Variants in KLF7 observed in about 807,000 individuals in gnomAD.
The protein encoded by KLF7 is KLF transcription factor 7, also known as Krueppel-like factor 7.
KLF7 carries 2 observed loss-of-function variants against 27.3 expected under a neutral mutation model. The observed-to-expected ratio is 0.07, with a 90% CI of 0.03 to 0.23. The LOEUF is 0.23. Ranked by LOEUF, KLF7 falls within the 10% of genes least tolerant of loss-of-function variation. KLF7 has a pLI of 1.00. For synonymous variants in KLF7, 165 were observed against 162.4 expected, an observed-to-expected ratio of 1.02 and a Z score of -0.12; for missense variants, 221 against 394.1, an observed-to-expected ratio of 0.56 and a Z score of 3.72.
chr2:207,104,205 T>A (rs1265183064), intron 2 of KLF7, among the ~76,000 whole-genome samples: 2 of 152,320 alleles, frequency 1.3e-5, no homozygotes, highest in East Asian at 3.9e-4. Context: ...TCTTACTACA[T>A]CTCATATCTC....
chr2:207,165,753 T>A lies in KLF7; in HGVS notation c.-185A>T. The A allele has an allele frequency of 7.0e-7, 1 of 1,433,642 alleles. No homozygotes were observed. The highest frequency in any genetic ancestry group is 2.5e-5 in the East Asian group (1 of 39,790). 88.8% of individuals were successfully genotyped at this position (1,433,642 alleles called of 1,614,324 possible). A position where few individuals can be genotyped will look rare whatever the true frequency, so the allele number is the denominator to read the frequency against. On this transcript the variant is annotated 5_prime_UTR_variant, in exon 1 of 4. Coordinates refer to ENST00000309446, the MANE Select transcript of KLF7 (RefSeq NM_003709.4). The stretch of plus-strand genomic sequence containing the variant: ...CAATGCAGGAGAGGGAGAGAGGAGG[T>A]GAGAGAGGAGCGAGTGAGTGGGGTG...
At chr2:207,157,830 A>G (rs1217202090) in intron 1 of KLF7, among the ~76,000 whole-genome samples, 1 of 152,234 alleles carries the variant, frequency 6.6e-6, no homozygotes, top group Non-Finnish European at 1.5e-5. Context: ...AAAAGAAAGG[A>G]GTTACAATGA....
At chr2:207,121,299 G>C (rs918350845) in intron 2 of KLF7, among the ~76,000 whole-genome samples, 1 of 152,160 alleles carries the variant, frequency 6.6e-6, no homozygotes, top group African/African-American at 2.4e-5. Context: ...TAACTGGCTT[G>C]TTTCTGGTTT....
chr2:207,134,006 G>T, intron 1 of KLF7: 2 of 1,363,886 alleles, frequency 1.5e-6, no homozygotes, highest in Non-Finnish European at 2.0e-6. Context: ...ACCCGCTCCT[G>T]TTAACTTTGC....
At chr2:207,082,045 G>A (rs549804256) in intron 3 of KLF7, among the ~76,000 whole-genome samples, 20 of 152,252 alleles carry the variant, frequency 1.3e-4, no homozygotes, top group African/African-American at 4.6e-4. Flanking sequence ...TGAGGCTAAG[G>A]TGTTTCTTGG....
chr2:207,076,732 A>G lies in KLF7; in HGVS notation c.*4481T>C, dbSNP rs915386009. 2 of 152,218 alleles carry G rather than the reference A, an allele frequency of 1.3e-5. No homozygotes were observed. The highest frequency in any genetic ancestry group is 2.9e-5 in the Non-Finnish European group (2 of 68,052). The allele number at this position is 152,218 out of a possible 1,614,324, so 9.4% of individuals were successfully genotyped here. A position where few individuals can be genotyped will look rare whatever the true frequency, so the allele number is the denominator to read the frequency against. ...GATGTATACTCAGGATAGGCCCTCT[A>G]GTTTTCAAACTGAGATATCACCATG... On this transcript the variant is annotated 3_prime_UTR_variant, in exon 4 of 4. Coordinates refer to ENST00000309446, the MANE Select transcript of KLF7 (RefSeq NM_003709.4).
At chr2:207,097,479 T>A (rs2076658805) in intron 2 of KLF7, among the ~76,000 whole-genome samples, 1 of 152,170 alleles carries the variant, frequency 6.6e-6, no homozygotes, top group Non-Finnish European at 1.5e-5. Context: ...TTGTCACCTG[T>A]ATGTCCAGGG....
At chr2:207,151,756 T>G (rs1021333682) in intron 1 of KLF7, among the ~76,000 whole-genome samples, 3 of 148,042 alleles carry the variant, frequency 2.0e-5, no homozygotes, top group African/African-American at 7.5e-5. Context: ...ACACACAAAA[T>G]AGTAATAATC....
At chr2:207,097,689 CTG>C (rs906587945) in intron 2 of KLF7, among the ~76,000 whole-genome samples, 1 of 152,170 alleles carries the variant, frequency 6.6e-6, no homozygotes, top group African/African-American at 2.4e-5. Context: ...TGGAGGAAGA[CTG>C]TGTTGGTCAT....
At chr2:207,168,468 C>CA, upstream of KLF7, among the ~76,000 whole-genome samples, 3 of 152,258 alleles carry the variant, frequency 2.0e-5, no homozygotes, top group Admixed American at 2.0e-4. Flanking sequence ...AGTGGTCAAG[C>CA]AGGGGTTCAA....
upstream of KLF7, chr2:207,166,112 C>G (rs1223315450): frequency 1.0e-6 from 1 of 981,314 alleles, no homozygotes; most frequent in Non-Finnish European, 1.2e-6. Flanking sequence ...CTTCCCCCTC[C>G]CCAAACTCCC....
At chr2:207,123,453 T>C (rs2077393304) in intron 2 of KLF7, among the ~76,000 whole-genome samples, 1 of 152,144 alleles carries the variant, frequency 6.6e-6, no homozygotes, top group South Asian at 2.1e-4. Context: ...CATAAAACAA[T>C]GCAAAGTGTC....
At chr2:207,158,077 T>C (rs2078440484) in intron 1 of KLF7, among the ~76,000 whole-genome samples, 1 of 152,250 alleles carries the variant, frequency 6.6e-6, no homozygotes, top group Non-Finnish European at 1.5e-5. Context: ...ATGTAGAGTA[T>C]AGCTGTGAGG....
intron 2 of KLF7, among the ~76,000 whole-genome samples, chr2:207,107,436 C>T (rs1454701407): frequency 6.6e-6 from 1 of 152,236 alleles, no homozygotes; most frequent in Non-Finnish European, 1.5e-5. Flanking sequence ...TCTTCAGCGG[C>T]ATCCCTATCA....
At chr2:207,096,807 C>T (rs1223165069) in intron 2 of KLF7, among the ~76,000 whole-genome samples, 2 of 152,294 alleles carry the variant, frequency 1.3e-5, no homozygotes, top group South Asian at 2.1e-4. Flanking sequence ...TCAGATAATA[C>T]ACTTATTTAC....
rs112660181 is a variant in KLF7, at chr2:207,164,834, T to G, written c.102+633A>C. On this transcript the variant is annotated intron_variant, in intron 1 of 3. Coordinates refer to ENST00000309446, the MANE Select transcript of KLF7 (RefSeq NM_003709.4). ...CTGGAGGGATCACACTGGGAAAACCTACAATTCATTGTCAGCCTCAGCTAC... is the reference window on the plus strand; with the variant it reads ...CTGGAGGGATCACACTGGGAAAACCGACAATTCATTGTCAGCCTCAGCTAC... 1.4e-3 allele frequency among the ~76,000 whole-genome samples: 212 copies of G among 152,334 alleles called. 1 individual carries two copies. Among genetic ancestry groups the G allele is most frequent in the African/African-American group, 4.0e-3 (167 of 41,584 alleles).
chr2:207,170,947 A>G (rs1033760284), upstream of KLF7, among the ~76,000 whole-genome samples: 6 of 151,752 alleles, frequency 4.0e-5, no homozygotes, highest in African/African-American at 1.5e-4. Context: ...AAATCTTATT[A>G]TTAAGGAAAT....
intron 1 of KLF7, among the ~76,000 whole-genome samples, chr2:207,126,343 A>G (rs2077475373): frequency 6.6e-6 from 1 of 152,162 alleles, no homozygotes; most frequent in African/African-American, 2.4e-5. Context: ...ATCATCACCT[A>G]CCAAGCACAG....
In KLF7 at chr2:207,165,705, A is replaced by T. The variant is rs2078686315; in HGVS notation, c.-137T>A. The T allele has an allele frequency of 2.0e-6, 3 of 1,480,118 alleles. No homozygotes were observed. The highest frequency in any genetic ancestry group is 2.7e-6 in the Non-Finnish European group (3 of 1,120,788). The allele number at this position is 1,480,118 out of a possible 1,614,324, so 91.7% of individuals were successfully genotyped here. ...CCTTTTGTTTTGTTTTGTTTCAGTC[A>T]ACTAAAAAGGAAAAAAAAAAATCAA... On this transcript the variant is annotated 5_prime_UTR_variant, in exon 1 of 4. Transcript: ENST00000309446.
Sources: allele counts gnomAD v4.1 joint callset (sites outside exome capture counted in the v4.1 genomes callset), GRCh38; gene constraint gnomAD v4.1.1; transcripts MANE v1.5; gene names NCBI Gene and HGNC (gene_info 2026-07-23, HGNC 2026-07-21).